ACSL4: variants seen among roughly 807,000 people sequenced by gnomAD.
ACSL4 encodes the protein long-chain-fatty-acid--CoA ligase 4.
Under a neutral mutation model 49.1 loss-of-function variants are expected in ACSL4, and 9 were observed. The observed-to-expected ratio is 0.18, with a 90% CI of 0.11 to 0.32. ACSL4 has a LOEUF of 0.32. Among genes scored for constraint, ACSL4 ranks in the 10% least tolerant of loss-of-function variants. The probability of loss-of-function intolerance (pLI) is 1.00; values close to 1 mark genes in which losing one functional copy is unlikely to be tolerated. For synonymous variants in ACSL4, 191 were observed against 170.3 expected (o/e 1.12, Z -0.95); for missense variants, 333 against 493.7 (o/e 0.67, Z 3.08).
intron 9 of ACSL4, among the ~76,000 whole-genome samples, chrX:109,669,394 A>ATT (rs34210031): frequency 2.2e-5 from 2 of 90,542 alleles, no homozygotes; most frequent in Non-Finnish European, 2.1e-5. Flanking sequence ...GTTAATCTAA[A>ATT]TTTTTTTTTT....
intron 3 of ACSL4, 86 bp downstream of exon 3, chrX:109,683,050 A>G: frequency 1.9e-6 from 2 of 1,058,847 alleles, no homozygotes; most frequent in Non-Finnish European, 2.6e-6. Flanking sequence ...ATAGAATGCC[A>G]GCATACTTAA....
At chrX:109,693,174 C>A (rs973483770) in intron 2 of ACSL4, among the ~76,000 whole-genome samples, 33 of 111,278 alleles carry the variant, frequency 3.0e-4, no homozygotes, top group African/African-American at 1.1e-3. Context: ...TGCAACAATG[C>A]AGTCTTAAAC....
At position 109,661,629 on chromosome X, in the gene ACSL4, T is replaced by C. The variant is rs1922185714; in HGVS notation, c.1599A>G (p.Leu533=). 8.4e-7 allele frequency: 1 copy of C among 1,188,609 alleles called. No individual in the cohort carries two copies. The highest frequency in any genetic ancestry group is 3.0e-5 in the East Asian group (1 of 33,639). Residue 533 remains leucine (L), a synonymous_variant, in exon 14 of 16, where the codon CTA becomes CTG. Coordinates refer to ENST00000672401, the MANE Select transcript of ACSL4 (RefSeq NM_001318510.2). ...CATACTCTCCTGCTTGTAACTTCAC[T>C]AGATCTTTCTTACGATCTGTTAAGT... ...CLQIIDRKKD[L]VKLQAGEYVS...
chrX:109,664,356 T>C (rs1922453733), intron 12 of ACSL4, among the ~76,000 whole-genome samples: 1 of 111,556 alleles, frequency 9.0e-6, no homozygotes, highest in African/African-American at 3.3e-5. Context: ...TTTCTCTGAT[T>C]CCACTGCCTA....
At chrX:109,680,072 GATA>G (rs1422948749) in intron 6 of ACSL4, among the ~76,000 whole-genome samples, 1 of 111,961 alleles carries the variant, frequency 8.9e-6, no homozygotes, top group African/African-American at 3.2e-5. Context: ...AGTACAATAA[GATA>G]ATAAGATATT....
chrX:109,714,896 T>C (rs1002245990), intron 1 of ACSL4, among the ~76,000 whole-genome samples: 2 of 112,079 alleles, frequency 1.8e-5, no homozygotes, highest in African/African-American at 3.2e-5. Flanking sequence ...ACTACATGTA[T>C]TAAAAACAGC....
intron 4 of ACSL4, among the ~76,000 whole-genome samples, chrX:109,682,396 A>C (rs1230203198): frequency 9.1e-6 from 1 of 110,434 alleles, no homozygotes; most frequent in Non-Finnish European, 1.9e-5. Context: ...TTGTTCTTTT[A>C]ATCATTACTC....
At chrX:109,678,662 G>A (rs111369497) in intron 6 of ACSL4, among the ~76,000 whole-genome samples, 6 of 111,321 alleles carry the variant, frequency 5.4e-5, no homozygotes, top group Non-Finnish European at 1.1e-4. Context: ...AGACTCTGTC[G>A]CTACAAAAAC....
At position 109,644,140 on chromosome X, in the gene ACSL4, T is replaced by C; in HGVS notation, c.1902A>G (p.Pro634=). The C allele has an allele frequency of 8.3e-7, 1 of 1,210,389 alleles. No individual in the cohort carries two copies. The highest frequency in any genetic ancestry group is 1.8e-5 in the South Asian group (1 of 56,867). Residue 634 remains proline, a synonymous_variant, in exon 16 of 16, where the codon CCA becomes CCG. Coordinates refer to ENST00000672401, the MANE Select transcript of ACSL4 (RefSeq NM_001318510.2). The part of the protein sequence containing the change: ...FEIPIKVRLS[P]EPWTPETGLV... ...AACCAGTTTCAGGGGTCCATGGCTC[T>C]GGGCTTAATCGAACCTTGATTGGAA... is the stretch of plus-strand genomic sequence containing the variant.
chrX:109,727,766 G>A (rs1928129024), intron 1 of ACSL4, among the ~76,000 whole-genome samples: 1 of 107,796 alleles, frequency 9.3e-6, no homozygotes, highest in African/African-American at 3.4e-5. Context: ...TTCTGTAAAG[G>A]TCCAGAGAGA....
At chrX:109,714,054 A>G (rs1218741182) in intron 1 of ACSL4, among the ~76,000 whole-genome samples, 1 of 112,232 alleles carries the variant, frequency 8.9e-6, no homozygotes, top group Non-Finnish European at 1.9e-5. Flanking sequence ...AACTGCATGC[A>G]TGTTACTGAC....
At position 109,644,873 on chromosome X, in the gene ACSL4, A is replaced by G. The variant is rs751707879; in HGVS notation, c.1856-687T>C. Among the ~76,000 whole-genome samples, 22 of 112,569 alleles carry G rather than the reference A, an allele frequency of 2.0e-4. 3 individuals carry two copies. Among genetic ancestry groups the G allele is most frequent in the South Asian group, 1.4e-3 (4 of 2,777 alleles). ...CGAGGCATTGCCTCACTCGGGAAGCACAAGGGGTCAGGGAGTTCCCTTTCC... is the reference window on the plus strand; with the variant it reads ...CGAGGCATTGCCTCACTCGGGAAGCGCAAGGGGTCAGGGAGTTCCCTTTCC... On this transcript the variant is annotated intron_variant, in intron 15 of 15. Transcript: ENST00000672401.
Position 109,642,693 on chromosome X carries a change from A to C in ACSL4, c.*1336T>G, listed in dbSNP as rs1934482657. The C allele has an allele frequency of 9.0e-6, 1 of 111,446 alleles. No individual in the cohort carries two copies. The highest frequency in any genetic ancestry group is 1.9e-5 in the Non-Finnish European group (1 of 52,989). The allele number at this position is 111,446 out of a possible 1,213,427, so 9.2% of individuals were successfully genotyped here. A position where few individuals can be genotyped will look rare whatever the true frequency, so the allele number is the denominator to read the frequency against. On this transcript the variant is annotated 3_prime_UTR_variant, in exon 16 of 16. Coordinates refer to ENST00000672401, the MANE Select transcript of ACSL4 (RefSeq NM_001318510.2). ...TACAGTAACTATGGTTCAAGTGTGA[A>C]TATTTATCAGGGATATATAATCCCA...
chrX:109,727,003 T>C (rs56296777), intron 1 of ACSL4, among the ~76,000 whole-genome samples: 50,078 of 110,083 alleles, frequency 0.45, 8,856 homozygotes, highest in Middle Eastern at 0.63. Flanking sequence ...AGGCGTGAGC[T>C]GCAGTGCCCG....
intron 6 of ACSL4, 115 bp from the exon 7 acceptor site, chrX:109,678,530 C>T (rs1400699078): frequency 2.1e-6 from 2 of 947,653 alleles, no homozygotes; most frequent in African/African-American, 3.9e-5. Context: ...ACAGTATTTG[C>T]TTTAAATCAT....
chrX:109,647,339 C>T lies in ACSL4; in HGVS notation c.1856-3153G>A, dbSNP rs181886333. Among the ~76,000 whole-genome samples, 293 of 111,976 alleles carry T rather than the reference C, an allele frequency of 2.6e-3. 4 individuals carry two copies. The East Asian group carries it at 0.049, about 19-fold the overall frequency. ...ACAAACTGTCTCTCAGACCACAGTG[C>T]AATCAAACTAGAACTCAGGATTAAG... On this transcript the variant is annotated intron_variant, in intron 15 of 15. Coordinates refer to ENST00000672401, the MANE Select transcript of ACSL4 (RefSeq NM_001318510.2).
At chrX:109,724,227 CTT>C (rs1020893124) in intron 1 of ACSL4, among the ~76,000 whole-genome samples, 5 of 111,425 alleles carry the variant, frequency 4.5e-5, no homozygotes, top group Non-Finnish European at 9.4e-5. Context: ...ATTCAACAAA[CTT>C]TGTGTGTGTG....
chrX:109,731,516 C>T (rs1437699781), intron 1 of ACSL4, among the ~76,000 whole-genome samples: 3 of 102,588 alleles, frequency 2.9e-5, no homozygotes, highest in Non-Finnish European at 5.9e-5. Flanking sequence ...TCACCCCTAC[C>T]AAAAATACTG....
At chrX:109,658,226 A>G (rs1251588788) in intron 15 of ACSL4, among the ~76,000 whole-genome samples, 1 of 110,980 alleles carries the variant, frequency 9.0e-6, no homozygotes, top group Non-Finnish European at 1.9e-5. Context: ...CTTTTCCCTT[A>G]TCTATGTTAT....
Sources: gnomAD v4.1 joint callset for allele counts (sites outside exome capture counted in the v4.1 genomes callset) on GRCh38, gnomAD v4.1.1 for gene constraint, MANE v1.5 for transcripts, NCBI Gene and HGNC (gene_info 2026-07-23, HGNC 2026-07-21) for gene names.